CALM3: variants seen among roughly 807,000 people sequenced by gnomAD.
The protein encoded by CALM3 is calmodulin-3.
CALM3 carries 5 observed loss-of-function variants against 20.1 expected under a neutral mutation model. The observed-to-expected ratio is 0.25, with a 90% CI of 0.13 to 0.52. The LOEUF (loss-of-function observed/expected upper bound fraction) is 0.52. Among genes scored for constraint, CALM3 ranks in the 20% least tolerant of loss-of-function variants. CALM3 has a pLI of 0.96. For synonymous variants in CALM3, 69 were observed against 68.1 expected (o/e 1.01, Z -0.06); for missense variants, 57 against 192.8 (o/e 0.30, Z 4.17).
In CALM3 at chr19:46,601,344, C is replaced by G; in HGVS notation, c.-91C>G. On this transcript the variant is annotated 5_prime_UTR_variant, in exon 1 of 6. Coordinates refer to ENST00000291295, the MANE Select transcript of CALM3 (RefSeq NM_005184.4). This position sits in a 1 kb window ranked among gnomAD's most constrained non-coding sequence, Gnocchi z 4.2. ...GCGCTGCGGGCAGTGAGTGTGGAGG[C>G]GCGGACGCGCGGCGGAGCTGGAACT... The G allele has an allele frequency of 7.4e-7, 1 of 1,359,798 alleles. No individual in the cohort carries two copies. Among genetic ancestry groups the G allele is most frequent in the Non-Finnish European group, 9.8e-7 (1 of 1,021,796 alleles). 84.2% of individuals were successfully genotyped at this position (1,359,798 alleles called of 1,614,324 possible). A position where few individuals can be genotyped will look rare whatever the true frequency, so the allele number is the denominator to read the frequency against.
rs772618542 is a variant in CALM3 at position 46,605,852 on chromosome 19, T to C, written c.29T>C (p.Ile10Thr). MADQLTEEQ[I>T]AEFKEAFSLF... ...GCTGACCAGCTGACTGAGGAGCAGA[T>C]TGCAGGTGAGTCTGCTATCCCCCTC... is the stretch of plus-strand genomic sequence containing the variant. The change falls in exon 2 of 6, where the codon ATT becomes ACT. Residue 10 changes from isoleucine to threonine, a missense_variant. Coordinates refer to ENST00000291295, the MANE Select transcript of CALM3 (RefSeq NM_005184.4). This position sits in a 1 kb window ranked among gnomAD's most constrained non-coding sequence, Gnocchi z 4.1. The C allele has an allele frequency of 6.2e-7, 1 of 1,614,068 alleles. No homozygotes were observed. The highest frequency in any genetic ancestry group is 8.5e-7 in the Non-Finnish European group (1 of 1,179,904).
At position 46,601,381 on chromosome 19, in the gene CALM3, T is replaced by C; in HGVS notation, c.-54T>C. 6.7e-7 allele frequency: 1 copy of C among 1,496,666 alleles called. No individual in the cohort carries two copies. Among genetic ancestry groups the C allele is most frequent in the East Asian group, 2.9e-5 (1 of 35,026 alleles). 92.7% of individuals were successfully genotyped at this position (1,496,666 alleles called of 1,614,324 possible). A position where few individuals can be genotyped will look rare whatever the true frequency, so the allele number is the denominator to read the frequency against. On this transcript the variant is annotated 5_prime_UTR_variant, in exon 1 of 6. Transcript: ENST00000291295. This position sits in a 1 kb window ranked among gnomAD's most constrained non-coding sequence, Gnocchi z 4.2. ...GCGGAGCTGGAACTGCTGCAGCTGC[T>C]GCCGCCGCCGGAGGAACCTTGATCC...
Position 46,601,562 on chromosome 19 carries a change from CT to C in CALM3, c.3+129del. ...CGGGCCCGGCGAGAGCCTCGGGACC[CT>C]TTTCTACCCGCGTTGTCGGGGGCTG... On this transcript the variant is annotated intron_variant, in intron 1 of 5. Coordinates refer to ENST00000291295, the MANE Select transcript of CALM3 (RefSeq NM_005184.4). The surrounding 1 kb of genome is among the most constrained non-coding windows in gnomAD (Gnocchi z 4.2). The C allele has an allele frequency of 2.2e-6, 2 of 925,610 alleles. No homozygotes were observed. The highest frequency in any genetic ancestry group is 1.5e-6 in the Non-Finnish European group (1 of 680,586). The allele number at this position is 925,610 out of a possible 1,614,324, so 57.3% of individuals were successfully genotyped here. A position where few individuals can be genotyped will look rare whatever the true frequency, so the allele number is the denominator to read the frequency against.
chr19:46,606,943 C>A (rs1971755370), intron 2 of CALM3, among the ~76,000 whole-genome samples: 1 of 152,208 alleles, frequency 6.6e-6, no homozygotes, highest in African/African-American at 2.4e-5. Context: ...GTAACAAGTA[C>A]TAAAGGCCCA....
Position 46,601,527 on chromosome 19 carries a change from G to C in CALM3, c.3+90G>C. ...CTGAGGGGGCGACAGAGCCCAGAGT[G>C]GGGGGCGTCCGGGCCCGGCGAGAGC... On this transcript the variant is annotated intron_variant, in intron 1 of 5. Coordinates refer to ENST00000291295, the MANE Select transcript of CALM3 (RefSeq NM_005184.4). The surrounding 1 kb of genome is among the most constrained non-coding windows in gnomAD (Gnocchi z 4.2). The C allele has an allele frequency of 8.2e-7, 1 of 1,226,318 alleles. No homozygotes were observed. The highest frequency in any genetic ancestry group is 1.6e-5 in the African/African-American group (1 of 63,178). 76.0% of individuals were successfully genotyped at this position (1,226,318 alleles called of 1,614,324 possible). A position where few individuals can be genotyped will look rare whatever the true frequency, so the allele number is the denominator to read the frequency against.
chr19:46,606,980 A>G (rs1776304238), intron 2 of CALM3, among the ~76,000 whole-genome samples: 1 of 152,110 alleles, frequency 6.6e-6, no homozygotes, highest in African/African-American at 2.4e-5. Context: ...GCAGGAACGG[A>G]CTTGCCTTCT....
chr19:46,609,412 T>G lies in CALM3; in HGVS notation c.*259T>G. 1.8e-6 allele frequency: 1 copy of G among 561,204 alleles called. No individual in the cohort carries two copies. Among genetic ancestry groups the G allele is most frequent in the East Asian group, 3.0e-5 (1 of 33,428 alleles). 34.8% of individuals were successfully genotyped at this position (561,204 alleles called of 1,614,324 possible). Reference sequence around the variant, plus strand: ...TCCATGTCTTCCAAGGCCTGATGCATTCATAAGTTGAAGCCCTCCCCAGAT... The same window carrying G: ...TCCATGTCTTCCAAGGCCTGATGCAGTCATAAGTTGAAGCCCTCCCCAGAT... On this transcript the variant is annotated 3_prime_UTR_variant, in exon 6 of 6. Transcript: ENST00000291295.
At chr19:46,603,136 A>G (rs1398412959) in intron 1 of CALM3, among the ~76,000 whole-genome samples, 1 of 152,242 alleles carries the variant, frequency 6.6e-6, no homozygotes, top group Non-Finnish European at 1.5e-5. Context: ...GTGTGCAGCC[A>G]TCCTCCCTGG....
In CALM3 at chr19:46,605,667, T is replaced by C. The variant is rs1048034691; in HGVS notation, c.4-160T>C. On this transcript the variant is annotated intron_variant, in intron 1 of 5. Coordinates refer to ENST00000291295, the MANE Select transcript of CALM3 (RefSeq NM_005184.4). This position sits in a 1 kb window ranked among gnomAD's most constrained non-coding sequence, Gnocchi z 4.1. ...ATCACCAGACTTTATCATCAGGCGC[T>C]GGCTCTGCCTCAGACCCTGACTCTG... Among the ~76,000 whole-genome samples, 6 of 152,224 alleles carry C rather than the reference T, an allele frequency of 3.9e-5. No individual in the cohort carries two copies. Among genetic ancestry groups the C allele is most frequent in the African/African-American group, 1.4e-4 (6 of 41,466 alleles).
chr19:46,603,407 T>A (rs1324577451), intron 1 of CALM3, among the ~76,000 whole-genome samples: 1 of 152,260 alleles, frequency 6.6e-6, no homozygotes, highest in Non-Finnish European at 1.5e-5. Context: ...GCCTGAGCTC[T>A]GTGGCTCCTC....
Position 46,610,372 on chromosome 19 carries a change from T to C in CALM3, c.*1219T>C, listed in dbSNP as rs1201427233. 6.6e-6 allele frequency: 1 copy of C among 152,382 alleles called. No homozygotes were observed. The highest frequency in any genetic ancestry group is 2.4e-5 in the African/African-American group (1 of 41,438). The allele number at this position is 152,382 out of a possible 1,614,324, so 9.4% of individuals were successfully genotyped here. A position where few individuals can be genotyped will look rare whatever the true frequency, so the allele number is the denominator to read the frequency against. ...AGAGCATGATCCGTGCCCTTGCTTC[T>C]GACTTTCGCCTCTGGGACAAGTAAG... On this transcript the variant is annotated 3_prime_UTR_variant, in exon 6 of 6. Transcript: ENST00000291295.
At chr19:46,603,246 G>T (rs1279140845) in intron 1 of CALM3, among the ~76,000 whole-genome samples, 1 of 152,230 alleles carries the variant, frequency 6.6e-6, no homozygotes, top group African/African-American at 2.4e-5. Context: ...TTTTCCCCCA[G>T]CAGAACCTGG....
chr19:46,602,015 C>T (rs1971630412), intron 1 of CALM3: 10 of 1,013,330 alleles, frequency 9.9e-6, no homozygotes, highest in Admixed American at 9.1e-5. Context: ...GTCACTTCTA[C>T]AGATGAGACT....
rs1262239543 is a variant in CALM3, at chr19:46,609,549, C to T, written c.*396C>T. 1 of 232,646 alleles carries T rather than the reference C, an allele frequency of 4.3e-6. No individual in the cohort carries two copies. The highest frequency in any genetic ancestry group is 8.5e-6 in the Non-Finnish European group (1 of 117,716). The allele number at this position is 232,646 out of a possible 1,614,324, so 14.4% of individuals were successfully genotyped here. A position where few individuals can be genotyped will look rare whatever the true frequency, so the allele number is the denominator to read the frequency against. ...GTGCTGGGGTGGCTGCCAGCCCTGT[C>T]CCGGGACCTGCTGGGAGGGACAAGA... On this transcript the variant is annotated 3_prime_UTR_variant, in exon 6 of 6. Transcript: ENST00000291295.
At chr19:46,602,190 T>A (rs779856674) in intron 1 of CALM3, 2 of 1,354,482 alleles carry the variant, frequency 1.5e-6, no homozygotes, top group Non-Finnish European at 9.8e-7. Context: ...ATCAGGGTCG[T>A]GGAGGTGGTG....
chr19:46,607,690 A>T (rs1287906587), intron 2 of CALM3, among the ~76,000 whole-genome samples: 1 of 152,234 alleles, frequency 6.6e-6, no homozygotes, highest in Non-Finnish European at 1.5e-5. Flanking sequence ...ACGGCAAGGA[A>T]CAGGGCTGCC....
upstream of CALM3, chr19:46,601,116 G>T (rs1971599588): frequency 1.2e-5 from 10 of 811,656 alleles, no homozygotes; most frequent in South Asian, 1.4e-4. This position sits in a 1 kb window ranked among gnomAD's most constrained non-coding sequence, Gnocchi z 4.2. Context: ...GAGCGCGCGC[G>T]CGCCCGGCGG....
intron 1 of CALM3, among the ~76,000 whole-genome samples, chr19:46,604,886 A>G (rs191631247): frequency 1.3e-5 from 2 of 150,210 alleles, no homozygotes; most frequent in African/African-American, 2.5e-5. Context: ...AGCCTCCCCA[A>G]CCCCCCAGCC....
intron 2 of CALM3, chr19:46,607,841 C>T (rs1266439004): frequency 1.2e-5 from 2 of 170,424 alleles, no homozygotes; most frequent in Non-Finnish European, 2.2e-5. Flanking sequence ...CACTCCATGA[C>T]TTTGGTTCAT....
Sources: gnomAD v4.1 joint callset for allele counts (sites outside exome capture counted in the v4.1 genomes callset) on GRCh38, gnomAD v4.1.1 for gene constraint, Gnocchi (gnomAD v3.1) non-coding constraint, MANE v1.5 for transcripts, NCBI Gene and HGNC (gene_info 2026-07-23, HGNC 2026-07-21) for gene names.